The following KSR2 variants were observed in gnomAD, a reference collection of about 807,000 sequenced individuals.
The protein encoded by KSR2 is kinase suppressor of ras 2.
KSR2 carries 25 observed loss-of-function variants against 107.8 expected under a neutral mutation model. The observed-to-expected ratio is 0.23, with a 90% CI of 0.17 to 0.32. The LOEUF is 0.32. Ranked by LOEUF, KSR2 falls within the 10% of genes least tolerant of loss-of-function variation. KSR2 has a pLI of 1.00. For missense variants in KSR2, 887 were observed against 1,268.9 expected, an observed-to-expected ratio of 0.70 and a Z score of 4.57; for synonymous variants, 480 against 507.0, an observed-to-expected ratio of 0.95 and a Z score of 0.71.
intron 14 of KSR2, among the ~76,000 whole-genome samples, chr12:117,524,029 C>G (rs2137233044): frequency 6.6e-6 from 1 of 152,272 alleles, no homozygotes; most frequent in East Asian, 1.9e-4. Flanking sequence ...GGGACAAATA[C>G]AGCCCACTCC....
chr12:117,889,171 C>T (rs1000223967), intron 1 of KSR2, among the ~76,000 whole-genome samples: 1 of 152,146 alleles, frequency 6.6e-6, no homozygotes, highest in African/African-American at 2.4e-5. Context: ...TGTGCCCCTT[C>T]CGCAGCTCAG....
chr12:117,795,938 G>A (rs994837558), intron 3 of KSR2, among the ~76,000 whole-genome samples: 2 of 151,974 alleles, frequency 1.3e-5, no homozygotes, highest in African/African-American at 4.8e-5. Context: ...TATTGTTGTT[G>A]TTTTGAGACA....
intron 1 of KSR2, among the ~76,000 whole-genome samples, chr12:117,888,987 G>A (rs2393378): frequency 0.4 from 60,131 of 151,960 alleles, 14,585 homozygotes; most frequent in East Asian, 0.87. Context: ...ATTATGTTAC[G>A]TATAATTTAC....
intron 16 of KSR2, among the ~76,000 whole-genome samples, chr12:117,480,771 C>T (rs565624562): frequency 3.3e-5 from 5 of 152,304 alleles, no homozygotes; most frequent in African/African-American, 7.2e-5. Flanking sequence ...GATAAGGAAA[C>T]GGAGGCTCAA....
At chr12:117,665,962 G>A (rs1454264077) in intron 5 of KSR2, among the ~76,000 whole-genome samples, 2 of 152,236 alleles carry the variant, frequency 1.3e-5, no homozygotes, top group Non-Finnish European at 2.9e-5. Context: ...CATGCAGCCA[G>A]TCTCTTTGAC....
intron 5 of KSR2, among the ~76,000 whole-genome samples, chr12:117,607,230 G>C (rs1411919982): frequency 2.0e-5 from 3 of 152,152 alleles, no homozygotes; most frequent in Non-Finnish European, 2.9e-5. Context: ...ACTAAGGTAG[G>C]GCAAGGCTAG....
chr12:117,927,355 G>A (rs1300701626), intron 1 of KSR2, among the ~76,000 whole-genome samples: 2 of 150,362 alleles, frequency 1.3e-5, no homozygotes, highest in Non-Finnish European at 2.9e-5. Flanking sequence ...CAGCCTGGGC[G>A]ACAGAGCAAG....
At chr12:117,686,778 T>G (rs1017753523) in intron 4 of KSR2, among the ~76,000 whole-genome samples, 4 of 152,226 alleles carry the variant, frequency 2.6e-5, no homozygotes, top group African/African-American at 9.6e-5. Context: ...ATTTCACAGA[T>G]GCTTCCTTTA....
chr12:117,704,684 C>A (rs984135409), intron 4 of KSR2, among the ~76,000 whole-genome samples: 1 of 152,022 alleles, frequency 6.6e-6, no homozygotes, highest in Admixed American at 6.5e-5. Flanking sequence ...ACAGTGAAAC[C>A]CCATCTCTAC....
At chr12:117,535,926 G>A (rs936147979) in intron 10 of KSR2, among the ~76,000 whole-genome samples, 3 of 152,004 alleles carry the variant, frequency 2.0e-5, no homozygotes, top group Non-Finnish European at 4.4e-5. Context: ...AGGTCTGTCT[G>A]TCCATGCAGC....
At chr12:117,781,058 TG>T (rs936035062) in intron 3 of KSR2, among the ~76,000 whole-genome samples, 1 of 152,182 alleles carries the variant, frequency 6.6e-6, no homozygotes, top group African/African-American at 2.4e-5. Flanking sequence ...AATTAAATCA[TG>T]GGGGCAAGTA....
chr12:117,525,946 G>A (rs1271922047), intron 13 of KSR2, among the ~76,000 whole-genome samples: 1 of 152,158 alleles, frequency 6.6e-6, no homozygotes, highest in East Asian at 1.9e-4. Flanking sequence ...GCCTCTGTAT[G>A]ACCTTGAGCC....
intron 4 of KSR2, among the ~76,000 whole-genome samples, chr12:117,679,321 C>A (rs1293911123): frequency 1.3e-5 from 2 of 152,170 alleles, no homozygotes; most frequent in East Asian, 3.9e-4. Flanking sequence ...TCACAACAAC[C>A]CTACAAGGAA....
chr12:117,653,768 G>A (rs910043189), intron 5 of KSR2, among the ~76,000 whole-genome samples: 1 of 152,180 alleles, frequency 6.6e-6, no homozygotes, highest in Non-Finnish European at 1.5e-5. Context: ...GGATTTTGGA[G>A]GCAACACATT....
intron 14 of KSR2, among the ~76,000 whole-genome samples, chr12:117,512,040 C>G (rs534378290): frequency 1.3e-5 from 2 of 152,258 alleles, no homozygotes; most frequent in Non-Finnish European, 2.9e-5. Context: ...CCAACTGAAC[C>G]CTAGCCCTAC....
chr12:117,743,386 T>C (rs960308419), intron 4 of KSR2, among the ~76,000 whole-genome samples: 9 of 152,200 alleles, frequency 5.9e-5, no homozygotes, highest in African/African-American at 1.9e-4. Flanking sequence ...TGGAGGGAAA[T>C]GGGAAGACCA....
At chr12:117,490,045 C>T (rs1260996702) in intron 14 of KSR2, among the ~76,000 whole-genome samples, 2 of 152,158 alleles carry the variant, frequency 1.3e-5, no homozygotes, top group African/African-American at 2.4e-5. Context: ...AATGCTGCAA[C>T]CCCTATATAT....
chr12:117,783,907 C>G lies in KSR2; in HGVS notation c.473-22383G>C, dbSNP rs1003913763. Among the ~76,000 whole-genome samples, 80 of 152,118 alleles carry G rather than the reference C, an allele frequency of 5.3e-4. 1 individual carries two copies. Among genetic ancestry groups the G allele is most frequent in the Non-Finnish European group, 2.4e-4 (16 of 68,030 alleles). On this transcript the variant is annotated intron_variant, in intron 3 of 19. Coordinates refer to ENST00000339824, the MANE Select transcript of KSR2 (RefSeq NM_173598.6). Reference sequence around the variant, plus strand: ...ATCAGCCCAGACACAAAACTGCACTCATATGACACAGAAACAGCACAGGCA... The same window carrying G: ...ATCAGCCCAGACACAAAACTGCACTGATATGACACAGAAACAGCACAGGCA...
At chr12:117,639,378 G>A (rs985477571) in intron 5 of KSR2, among the ~76,000 whole-genome samples, 2 of 151,248 alleles carry the variant, frequency 1.3e-5, no homozygotes, top group African/African-American at 4.9e-5. Flanking sequence ...TGCCCAGGCT[G>A]GAGTGCAGTG....
Sources: gnomAD v4.1 joint callset for allele counts (sites outside exome capture counted in the v4.1 genomes callset) on GRCh38, gnomAD v4.1.1 for gene constraint, MANE v1.5 for transcripts, NCBI Gene and HGNC (gene_info 2026-07-23, HGNC 2026-07-21) for gene names.